The following NMUR1 variants were observed in gnomAD, a reference collection of about 807,000 sequenced individuals.
NMUR1 encodes the protein neuromedin U receptor 1.
In NMUR1, 16 loss-of-function variants were observed where a neutral mutation model predicts 18.8. That is an observed-to-expected ratio of 0.85 (90% CI 0.58 to 1.29). The LOEUF (loss-of-function observed/expected upper bound fraction) is 1.29. Ranked by LOEUF, NMUR1 falls within the 50% of genes most tolerant of loss-of-function variation. The pLI is 0.00. For synonymous variants in NMUR1, 258 were observed against 258.2 expected (o/e 1.00, Z 0.01); for missense variants, 529 against 580.3 (o/e 0.91, Z 0.91).
chr2:231,525,933 C>G (rs1025861681), intron 2 of NMUR1, among the ~76,000 whole-genome samples: 16 of 151,348 alleles, frequency 1.1e-4, no homozygotes, highest in African/African-American at 3.9e-4. Flanking sequence ...CATGCACACA[C>G]ACACACATGC....
Position 231,528,892 on chromosome 2 carries a change from A to T in NMUR1, c.129T>A (p.Thr43=). ...GHFDPEDLNL[T]DEALRLKYLG... ...GGTACTTGAGTCTCAGTGCCTCGTC[A>T]GTCAGGTTCAAGTCCTCAGGGTCAA... Residue 43 remains threonine, a synonymous_variant, in exon 2 of 3, where the codon ACT becomes ACA. Coordinates refer to ENST00000305141, the MANE Select transcript of NMUR1 (RefSeq NM_006056.5). The T allele has an allele frequency of 3.7e-6, 6 of 1,614,208 alleles. No individual in the cohort carries two copies. The highest frequency in any genetic ancestry group is 5.1e-6 in the Non-Finnish European group (6 of 1,180,038).
At chr2:231,521,733 A>G (rs1332027704), downstream of NMUR1, among the ~76,000 whole-genome samples, 2 of 152,286 alleles carry the variant, frequency 1.3e-5, no homozygotes, top group Non-Finnish European at 2.9e-5. Flanking sequence ...TTTGAGAAGC[A>G]TGGAGGCCTC....
downstream of NMUR1, among the ~76,000 whole-genome samples, chr2:231,519,599 C>T (rs1423820184): frequency 6.6e-6 from 1 of 152,180 alleles, no homozygotes; most frequent in Non-Finnish European, 1.5e-5. Flanking sequence ...ATGTCAGTAC[C>T]TCTCAGTCCA....
In NMUR1 at chr2:231,523,347, C is replaced by T. The variant is rs2047322524; in HGVS notation, c.*1696G>A. The T allele has an allele frequency of 1.4e-5, 5 of 348,090 alleles. No homozygotes were observed. Among genetic ancestry groups the T allele is most frequent in the Non-Finnish European group, 2.6e-5 (5 of 190,406 alleles). The allele number at this position is 348,090 out of a possible 1,614,324, so 21.6% of individuals were successfully genotyped here. ...TATGTATATTCATATTGTTGCACAA[C>T]TGATCTCCAGAACTTTTTCATTTTG... On this transcript the variant is annotated 3_prime_UTR_variant, in exon 3 of 3. Transcript: ENST00000305141.
intron 2 of NMUR1, among the ~76,000 whole-genome samples, chr2:231,526,511 C>T (rs1403063514): frequency 1.3e-5 from 2 of 152,102 alleles, no homozygotes; most frequent in African/African-American, 4.8e-5. Context: ...AGGGAGGGGA[C>T]GGGGTAGTAG....
downstream of NMUR1, among the ~76,000 whole-genome samples, chr2:231,519,650 A>C (rs973397837): frequency 9.2e-5 from 14 of 152,228 alleles, no homozygotes; most frequent in African/African-American, 3.4e-4. Flanking sequence ...TGTAAGGATA[A>C]TTAGCAGCAG....
chr2:231,520,553 A>G (rs1575283018), downstream of NMUR1, among the ~76,000 whole-genome samples: 1 of 152,354 alleles, frequency 6.6e-6, no homozygotes, highest in East Asian at 1.9e-4. Context: ...CCAATAAGAA[A>G]GGAGTTCAAA....
At chr2:231,522,062 C>T (rs1055342342), downstream of NMUR1, among the ~76,000 whole-genome samples, 2 of 149,728 alleles carry the variant, frequency 1.3e-5, no homozygotes, top group African/African-American at 2.5e-5. Context: ...TTACTGCAGC[C>T]TCGACCTCCT....
At chr2:231,519,287 G>A (rs1012295508), downstream of NMUR1, among the ~76,000 whole-genome samples, 5 of 152,134 alleles carry the variant, frequency 3.3e-5, no homozygotes, top group South Asian at 8.3e-4. Flanking sequence ...TGACCAGGGC[G>A]CACTTACCCA....
intron 1 of NMUR1, 119 bp downstream of exon 1, chr2:231,530,240 G>A (rs2047401296): frequency 1.4e-5 from 17 of 1,233,392 alleles, no homozygotes; most frequent in South Asian, 1.0e-4. Flanking sequence ...CCCCGGTGGC[G>A]GGGACGGGGG....
Position 231,528,967 on chromosome 2 carries a change from C to T in NMUR1, c.54G>A (p.Gly18=). Residue 18 remains glycine (G), a synonymous_variant, in exon 2 of 3, where the codon GGG becomes GGA. Coordinates refer to ENST00000305141, the MANE Select transcript of NMUR1 (RefSeq NM_006056.5). ...TGCAAGCCATGGGGTTCCTTGCACCCCCTGGGTACAGGTCTCCAGGGAGGA... is the reference window on the plus strand; with the variant it reads ...TGCAAGCCATGGGGTTCCTTGCACCTCCTGGGTACAGGTCTCCAGGGAGGA... ...CSVLPGDLYP[G]GARNPMACNG... is the part of the protein sequence containing the mutation. The T allele has an allele frequency of 6.2e-7, 1 of 1,613,840 alleles. No homozygotes were observed. The highest frequency in any genetic ancestry group is 8.5e-7 in the Non-Finnish European group (1 of 1,179,912).
intron 2 of NMUR1, among the ~76,000 whole-genome samples, chr2:231,526,392 AAGGG>A (rs1367099900): frequency 1.3e-5 from 2 of 152,142 alleles, no homozygotes; most frequent in South Asian, 4.1e-4. Flanking sequence ...GAAAGTGGAC[AAGGG>A]AGGGAGGGAG....
chr2:231,527,637 C>CAAAA (rs10522812), intron 2 of NMUR1, among the ~76,000 whole-genome samples: 93 of 99,878 alleles, frequency 9.3e-4, no homozygotes, highest in South Asian at 1.6e-3. Context: ...GACCCTGTCT[C>CAAAA]AAAAAAAAAA....
At chr2:231,526,613 T>C (rs3821000) in intron 2 of NMUR1, among the ~76,000 whole-genome samples, 42,467 of 152,100 alleles carry the variant, frequency 0.28, 6,563 homozygotes, top group East Asian at 0.5. Flanking sequence ...GGGGTCAGCC[T>C]CGTTTCAGGA....
downstream of NMUR1, among the ~76,000 whole-genome samples, chr2:231,518,947 C>G (rs116959300): frequency 9.7e-4 from 147 of 152,296 alleles, no homozygotes; most frequent in East Asian, 0.026. Context: ...ACCCTTCTCC[C>G]CAGGACTTGG....
At position 231,525,289 on chromosome 2, in the gene NMUR1, G is replaced by A; in HGVS notation, c.1035C>T (p.Phe345=). The change falls in exon 3 of 3, where the codon TTC becomes TTT. Residue 345 remains phenylalanine, a synonymous_variant. Transcript: ENST00000305141. Reference sequence around the variant, plus strand: ...CGGGGTTGGCCGCCGAGCCCAGGTAGAAGAAGATGCCGGAGATGACGTGCA... The same window carrying A: ...CGGGGTTGGCCGCCGAGCCCAGGTAAAAGAAGATGCCGGAGATGACGTGCA... ...QHVHVISGIF[F]YLGSAANPVL... 3 of 1,613,916 alleles carry A rather than the reference G, an allele frequency of 1.9e-6. No homozygotes were observed. The highest frequency in any genetic ancestry group is 2.5e-6 in the Non-Finnish European group (3 of 1,179,978).
At chr2:231,527,249 A>T (rs1202317434) in intron 2 of NMUR1, among the ~76,000 whole-genome samples, 1 of 152,158 alleles carries the variant, frequency 6.6e-6, no homozygotes, top group African/African-American at 2.4e-5. Flanking sequence ...TTTTTCACTC[A>T]TCTCTAAGGA....
downstream of NMUR1, among the ~76,000 whole-genome samples, chr2:231,522,714 C>G (rs1040731453): frequency 6.6e-6 from 1 of 151,788 alleles, no homozygotes; most frequent in Non-Finnish European, 1.5e-5. Context: ...GAGGAAACCA[C>G]CTCCGCCAAC....
rs775020122 is a variant in NMUR1, at chr2:231,525,055, G to A, written c.1269C>T (p.Thr423=). The A allele has an allele frequency of 1.6e-5, 25 of 1,577,108 alleles. No homozygotes were observed. Among genetic ancestry groups the A allele is most frequent in the Admixed American group, 7.0e-5 (4 of 56,982 alleles). The change falls in exon 3 of 3, where the codon ACC becomes ACT. Residue 423 remains threonine (T), a synonymous_variant. Coordinates refer to ENST00000305141, the MANE Select transcript of NMUR1 (RefSeq NM_006056.5). ...GNDGPEAQQE[T]DPS Reference sequence around the variant, plus strand: ...TTTAAGGCTCCACTCAGGATGGATCGGTCTCTTGCTGCGCCTCTGGGCCAT... The same window carrying A: ...TTTAAGGCTCCACTCAGGATGGATCAGTCTCTTGCTGCGCCTCTGGGCCAT...
Sources: gnomAD v4.1 joint callset for allele counts (sites outside exome capture counted in the v4.1 genomes callset) on GRCh38, gnomAD v4.1.1 for gene constraint, MANE v1.5 for transcripts, NCBI Gene and HGNC (gene_info 2026-07-23, HGNC 2026-07-21) for gene names.